KCNK5: variants seen among roughly 807,000 people sequenced by gnomAD.
The protein encoded by KCNK5 is potassium two pore domain channel subfamily K member 5, also known as potassium channel subfamily K member 5.
KCNK5 carries 18 observed loss-of-function variants against 32.9 expected under a neutral mutation model. The observed-to-expected ratio is 0.55, with a 90% confidence interval of 0.38 to 0.81. The LOEUF (loss-of-function observed/expected upper bound fraction) is 0.81, where lower values mean the gene tolerates loss of function less well. Ranked by LOEUF, KCNK5 falls within the 30% of genes least tolerant of loss-of-function variation. KCNK5 has a pLI of 0.00. For synonymous variants in KCNK5, 276 were observed against 275.3 expected (o/e 1.00, Z -0.03); for missense variants, 507 against 651.0 (o/e 0.78, Z 2.41).
intron 1 of KCNK5, among the ~76,000 whole-genome samples, chr6:39,197,254 T>C (rs537517538): frequency 2.4e-4 from 37 of 151,748 alleles, no homozygotes; most frequent in African/African-American, 7.3e-4. Flanking sequence ...TGAGGTTTGG[T>C]GGGAAAAAAA....
At chr6:39,221,368 C>G (rs1771545582) in intron 1 of KCNK5, among the ~76,000 whole-genome samples, 1 of 152,184 alleles carries the variant, frequency 6.6e-6, no homozygotes, top group South Asian at 2.1e-4. Context: ...CCGAAGCTTC[C>G]AAGTCAACAA....
intron 1 of KCNK5, among the ~76,000 whole-genome samples, chr6:39,222,336 A>G (rs955505344): frequency 1.3e-5 from 2 of 152,228 alleles, no homozygotes; most frequent in African/African-American, 4.8e-5. Context: ...ACATCACATC[A>G]GCAGGAGAAA....
Position 39,220,378 on chromosome 6 carries a change from A to C in KCNK5, c.186+8548T>G, listed in dbSNP as rs11967855. On this transcript the variant is annotated intron_variant, in intron 1 of 4. Coordinates refer to ENST00000359534, the MANE Select transcript of KCNK5 (RefSeq NM_003740.4). Reference sequence around the variant, plus strand: ...GAGAGGAAAAAGAATGCACATTTCAAAGCCAATCAAAGATGAGAGGGGAGG... The same window carrying C: ...GAGAGGAAAAAGAATGCACATTTCACAGCCAATCAAAGATGAGAGGGGAGG... Among the ~76,000 whole-genome samples the C allele has an allele frequency of 5.6e-3, 854 of 152,306 alleles. 7 individuals carry two copies. The highest frequency in any genetic ancestry group is 0.024 in the Middle Eastern group (7 of 292).
At position 39,189,272 on chromosome 6, in the gene KCNK5, G is replaced by A. The variant is rs1362104932; in HGVS notation, c.*1618C>T. 6.6e-6 allele frequency: 1 copy of A among 152,240 alleles called. No individual in the cohort carries two copies. The highest frequency in any genetic ancestry group is 1.5e-5 in the Non-Finnish European group (1 of 68,074). The allele number at this position is 152,240 out of a possible 1,614,324, so 9.4% of individuals were successfully genotyped here. A position where few individuals can be genotyped will look rare whatever the true frequency, so the allele number is the denominator to read the frequency against. ...TGGGGCAGAAGGCAGAGAGTGAACG[G>A]AGCTGAGCGGCTCTGATGACTTGCT... On this transcript the variant is annotated 3_prime_UTR_variant, in exon 5 of 5. Transcript: ENST00000359534.
chr6:39,197,158 G>C (rs1771045408), intron 1 of KCNK5, among the ~76,000 whole-genome samples: 1 of 152,154 alleles, frequency 6.6e-6, no homozygotes, highest in Non-Finnish European at 1.5e-5. Context: ...CCAAGACAAG[G>C]ACTGAGAGAG....
rs776242997 is a variant in KCNK5 at position 39,194,342 on chromosome 6, TG to T, written c.466-6del. 1.3e-6 allele frequency: 2 copies of T among 1,596,370 alleles called. No homozygotes were observed. The highest frequency in any genetic ancestry group is 2.3e-5 in the South Asian group (2 of 88,186). ...GCACGTGATCTGCGCCTTCCGCTGA[TG>T]GGGAGCAGGAGGCCAAGTCAGAGAA... On this transcript the variant is annotated splice_region_variant and splice_polypyrimidine_tract_variant and intron_variant, in intron 3 of 4. Transcript: ENST00000359534. The surrounding 1 kb of genome is among the most constrained non-coding windows in gnomAD (Gnocchi z 4.7).
At chr6:39,192,711 C>A (rs924708045) in intron 4 of KCNK5, among the ~76,000 whole-genome samples, 4 of 152,130 alleles carry the variant, frequency 2.6e-5, no homozygotes, top group African/African-American at 9.7e-5. Context: ...CCCCCTCCTG[C>A]TGCAGGGAGC....
chr6:39,191,380 A>T lies in KCNK5; in HGVS notation c.1010T>A (p.Leu337Gln). 1.2e-6 allele frequency: 2 copies of T among 1,613,472 alleles called. No individual in the cohort carries two copies. The highest frequency in any genetic ancestry group is 3.3e-4 in the Middle Eastern group (2 of 6,062). ...LGPQGGGLPA[L>Q]PPSLVPLVVY... The stretch of plus-strand genomic sequence containing the variant: ...TACCAGGGGCACCAGGGAAGGGGGC[A>T]GTGCTGGGAGCCCACCGCCTTGAGG... The change falls in exon 5 of 5, where the codon CTG (leucine) becomes CAG (glutamine). Residue 337 changes from leucine (L) to glutamine (Q), a missense_variant. Physicochemically the swap from Leu to Gln is moderately radical, Grantham distance 113. Coordinates refer to ENST00000359534, the MANE Select transcript of KCNK5 (RefSeq NM_003740.4). This position sits in a 1 kb window ranked among gnomAD's most constrained non-coding sequence, Gnocchi z 5.8.
At chr6:39,215,308 A>G (rs1771412405) in intron 1 of KCNK5, among the ~76,000 whole-genome samples, 1 of 152,168 alleles carries the variant, frequency 6.6e-6, no homozygotes, top group Non-Finnish European at 1.5e-5. Flanking sequence ...GGCGAGAGGC[A>G]GCCCTTCCAC....
intron 1 of KCNK5, among the ~76,000 whole-genome samples, chr6:39,208,129 G>A (rs1771261650): frequency 6.6e-6 from 1 of 152,106 alleles, no homozygotes; most frequent in African/African-American, 2.4e-5. Flanking sequence ...CATCCTTGAG[G>A]GCTGAGGTTC....
At chr6:39,203,910 A>AT (rs1322436805) in intron 1 of KCNK5, among the ~76,000 whole-genome samples, 1 of 152,104 alleles carries the variant, frequency 6.6e-6, no homozygotes, top group East Asian at 1.9e-4. Flanking sequence ...AATTCTTGGT[A>AT]TTTTCCTCAC....
At chr6:39,224,508 CA>C (rs1771616000) in intron 1 of KCNK5, among the ~76,000 whole-genome samples, 1 of 152,120 alleles carries the variant, frequency 6.6e-6, no homozygotes, top group Non-Finnish European at 1.5e-5. Context: ...GCCAGAACCT[CA>C]AAATTGGAAC....
intron 2 of KCNK5, among the ~76,000 whole-genome samples, chr6:39,195,581 A>C (rs1233902484): frequency 6.6e-6 from 1 of 152,224 alleles, no homozygotes; most frequent in East Asian, 1.9e-4. Context: ...CTTGGTAAGT[A>C]GTCATGATCT....
intron 1 of KCNK5, among the ~76,000 whole-genome samples, chr6:39,200,940 C>T (rs1387128567): frequency 2.6e-5 from 4 of 152,188 alleles, no homozygotes; most frequent in African/African-American, 9.7e-5. Context: ...GCAGGCAGGG[C>T]AAGGTGGGGG....
chr6:39,191,336 C>G lies in KCNK5; in HGVS notation c.1054G>C (p.Val352Leu), dbSNP rs139464201. ...VPLVVYSKNR[V>L]PTLEEVSQTL... ...TGTGACACCTCTTCCAAGGTGGGCACCCGGTTCTTGGAGTAGACTACCAGG... is the reference window on the plus strand; with the variant it reads ...TGTGACACCTCTTCCAAGGTGGGCAGCCGGTTCTTGGAGTAGACTACCAGG... Residue 352 changes from valine to leucine, a missense_variant, in exon 5 of 5, where the codon GTG becomes CTG. By Grantham distance (32) the Val-to-Leu change is conservative (BLOSUM62 1). Coordinates refer to ENST00000359534, the MANE Select transcript of KCNK5 (RefSeq NM_003740.4). The surrounding 1 kb of genome is among the most constrained non-coding windows in gnomAD (Gnocchi z 5.8). 1.2e-6 allele frequency: 2 copies of G among 1,613,910 alleles called. No individual in the cohort carries two copies. Among genetic ancestry groups the G allele is most frequent in the Admixed American group, 3.3e-5 (2 of 60,032 alleles).
chr6:39,205,769 A>G (rs1771214002), intron 1 of KCNK5, among the ~76,000 whole-genome samples: 1 of 152,142 alleles, frequency 6.6e-6, no homozygotes, highest in South Asian at 2.1e-4. Flanking sequence ...TTCCTCCATA[A>G]GGCTGTGGGT....
rs1248412731 is a variant in KCNK5, at chr6:39,191,159, G to A, written c.1231C>T (p.His411Tyr). 1.2e-6 allele frequency: 2 copies of A among 1,614,228 alleles called. No individual in the cohort carries two copies. Among genetic ancestry groups the A allele is most frequent in the South Asian group, 1.1e-5 (1 of 91,090 alleles). The change falls in exon 5 of 5, where the codon CAC becomes TAC. Residue 411 changes from histidine to tyrosine, a missense_variant. Transcript: ENST00000359534. This position sits in a 1 kb window ranked among gnomAD's most constrained non-coding sequence, Gnocchi z 5.8. Reference sequence around the variant, plus strand: ...CTGGCGTCCTGGAAGATGAGTGGGTGGTAGTCCTGGGCGTCCCATGGCTCG... The same window carrying A: ...CTGGCGTCCTGGAAGATGAGTGGGTAGTAGTCCTGGGCGTCCCATGGCTCG... Reference protein sequence around the residue: ...ECEPWDAQDYHPLIFQDASIT... With the variant: ...ECEPWDAQDYYPLIFQDASIT...
At chr6:39,203,684 C>T (rs549845556) in intron 1 of KCNK5, among the ~76,000 whole-genome samples, 7 of 152,182 alleles carry the variant, frequency 4.6e-5, no homozygotes, top group East Asian at 1.9e-4. Flanking sequence ...CAGTGGCTCT[C>T]GGTACAGGCT....
intron 4 of KCNK5, among the ~76,000 whole-genome samples, chr6:39,193,378 CA>C (rs1770974849): frequency 6.6e-6 from 1 of 152,238 alleles, no homozygotes; most frequent in South Asian, 2.1e-4. Flanking sequence ...ATACATCAAG[CA>C]CAAGGCTAGT....
Sources: gnomAD v4.1 joint callset for allele counts (sites outside exome capture counted in the v4.1 genomes callset) on GRCh38, gnomAD v4.1.1 for gene constraint, Gnocchi (gnomAD v3.1) non-coding constraint, MANE v1.5 for transcripts, NCBI Gene and HGNC (gene_info 2026-07-23, HGNC 2026-07-21) for gene names.